UBR1: variants seen among roughly 807,000 people sequenced by gnomAD.
UBR1 encodes ubiquitin protein ligase E3 component n-recognin 1.
In UBR1, 102 loss-of-function variants were observed where a neutral mutation model predicts 242.1. The observed-to-expected ratio is 0.42, with a 90% CI of 0.36 to 0.50. The LOEUF (loss-of-function observed/expected upper bound fraction) is 0.50. UBR1 is among the 20% of genes least tolerant of loss of function. The pLI is 0.01. For synonymous variants in UBR1, 675 were observed against 684.8 expected (o/e 0.99, Z 0.22); for missense variants, 1,772 against 2,101.8 (o/e 0.84, Z 3.07).
intron 30 of UBR1, 31 bp from the exon 31 acceptor site, chr15:43,003,961 G>T (rs1297704661): frequency 6.3e-7 from 1 of 1,597,024 alleles, no homozygotes. Context: ...GAGGGAAAAA[G>T]AGAGACAGGT....
At chr15:42,960,020 G>A (rs1175648851) in intron 43 of UBR1, among the ~76,000 whole-genome samples, 2 of 152,112 alleles carry the variant, frequency 1.3e-5, no homozygotes, top group Admixed American at 6.5e-5. Context: ...TCAGGCCCTC[G>A]GAGGGGATAC....
chr15:42,950,397 G>T, intron 45 of UBR1, 34 bp from the exon 46 acceptor site: 1 of 1,584,584 alleles, frequency 6.3e-7, no homozygotes, highest in Non-Finnish European at 8.7e-7. Flanking sequence ...ATATGGTTAA[G>T]TGTATGTGTG....
intron 44 of UBR1, among the ~76,000 whole-genome samples, chr15:42,957,334 CAG>C (rs1186670908): frequency 1.3e-5 from 2 of 151,974 alleles, no homozygotes; most frequent in Admixed American, 6.6e-5. Context: ...TCCATAGAGA[CAG>C]AAAGTAGATT....
intron 40 of UBR1, among the ~76,000 whole-genome samples, chr15:42,970,147 T>A (rs962299447): frequency 1.3e-5 from 2 of 152,070 alleles, no homozygotes; most frequent in African/African-American, 4.8e-5. Context: ...AAAACAGATA[T>A]ATAGACCAAT....
At chr15:43,056,502 C>T (rs575790443) in intron 10 of UBR1, 60 bp from the exon 11 acceptor site, 1 of 1,140,624 alleles carries the variant, frequency 8.8e-7, no homozygotes, top group African/African-American at 1.5e-5. Context: ...TAAAAAATCC[C>T]AATTTTAATA....
chr15:42,950,137 C>A, intron 46 of UBR1, 125 bp downstream of exon 46: 1 of 917,520 alleles, frequency 1.1e-6, no homozygotes, highest in Non-Finnish European at 1.8e-6. Flanking sequence ...CGGTGTCTGG[C>A]CTCAATTACC....
Position 43,025,380 on chromosome 15 carries a change from C to A in UBR1, c.2584+1G>T. 1 of 1,608,252 alleles carries A rather than the reference C, an allele frequency of 6.2e-7. No individual in the cohort carries two copies. Among genetic ancestry groups the A allele is most frequent in the Non-Finnish European group, 8.5e-7 (1 of 1,176,722 alleles). On this transcript the variant is annotated splice_donor_variant, in intron 24 of 46. Coordinates refer to ENST00000290650, the MANE Select transcript of UBR1 (RefSeq NM_174916.3). LOFTEE classifies it high-confidence loss of function. Reference sequence around the variant, plus strand: ...AGTCAATTCAGAATCTCACTTTTTACCTTCATCTTTGTTTTCTTGTTTTCT... The same window carrying A: ...AGTCAATTCAGAATCTCACTTTTTAACTTCATCTTTGTTTTCTTGTTTTCT...
At chr15:43,023,705 T>G (rs544151974) in intron 25 of UBR1, among the ~76,000 whole-genome samples, 2 of 150,462 alleles carry the variant, frequency 1.3e-5, no homozygotes. Flanking sequence ...AAAATTTTGG[T>G]GTTTAGTAAA....
chr15:43,059,062 A>G, intron 9 of UBR1, 23 bp downstream of exon 9: 1 of 1,579,842 alleles, frequency 6.3e-7, no homozygotes, highest in Non-Finnish European at 8.7e-7. Flanking sequence ...CCTGACAAAC[A>G]GCATAAGCAA....
chr15:43,011,810 AG>A, intron 29 of UBR1: 1 of 374,084 alleles, frequency 2.7e-6, no homozygotes. Context: ...ACATACAAAA[AG>A]ATTCTCACGA....
chr15:42,984,027 G>A (rs369942779), intron 36 of UBR1, 34 bp from the exon 37 acceptor site: 2 of 1,556,546 alleles, frequency 1.3e-6, no homozygotes, highest in Non-Finnish European at 1.8e-6. Flanking sequence ...ATAAAAAGAT[G>A]AGGGAAGATG....
chr15:42,949,664 T>A, intron 46 of UBR1, among the ~76,000 whole-genome samples: 1 of 150,938 alleles, frequency 6.6e-6, no homozygotes, highest in Non-Finnish European at 1.5e-5. Context: ...CTGGGCATAG[T>A]GGCACATGCC....
intron 1 of UBR1, among the ~76,000 whole-genome samples, chr15:43,101,983 A>C (rs938646218): frequency 6.7e-6 from 1 of 149,934 alleles, no homozygotes; most frequent in East Asian, 2.0e-4. Context: ...AAAAAAAAAA[A>C]AAAAAAAAAA....
chr15:43,056,215 C>T, intron 11 of UBR1, 129 bp downstream of exon 11: 1 of 759,298 alleles, frequency 1.3e-6, no homozygotes, highest in Non-Finnish European at 2.3e-6. Flanking sequence ...TTGGGTAGCA[C>T]TAAAGTATTC....
At chr15:43,046,675 T>C (rs1017157576) in intron 14 of UBR1, among the ~76,000 whole-genome samples, 1 of 152,052 alleles carries the variant, frequency 6.6e-6, no homozygotes, top group Non-Finnish European at 1.5e-5. Context: ...TCTCAGAAAA[T>C]AAATAAATGA....
chr15:42,970,307 C>T lies in UBR1; in HGVS notation c.4457+213G>A, dbSNP rs2032182703. Reference sequence around the variant, plus strand: ...TCTAGCCATATGCAGAAAACTGAAACTACACCCCTTCCTTACACCTTACAT... The same window carrying T: ...TCTAGCCATATGCAGAAAACTGAAATTACACCCCTTCCTTACACCTTACAT... On this transcript the variant is annotated intron_variant, in intron 40 of 46. Transcript: ENST00000290650. Among the ~76,000 whole-genome samples the T allele has an allele frequency of 2.6e-5, 4 of 152,168 alleles. 1 individual carries two copies. In the South Asian group the frequency reaches 8.3e-4, roughly 32 times the overall value.
intron 33 of UBR1, among the ~76,000 whole-genome samples, chr15:42,995,443 A>G (rs1180329818): frequency 4.6e-5 from 7 of 151,742 alleles, no homozygotes; most frequent in Non-Finnish European, 1.0e-4. Context: ...GTGGATCACA[A>G]GGTCAGGAGA....
intron 1 of UBR1, among the ~76,000 whole-genome samples, chr15:43,098,710 T>TA (rs140400613): frequency 0.011 from 1,656 of 152,332 alleles, 13 homozygotes; most frequent in Non-Finnish European, 0.018. Context: ...CATTTTGACT[T>TA]AGAGTTTTAG....
intron 29 of UBR1, among the ~76,000 whole-genome samples, chr15:43,009,673 A>G (rs562987415): frequency 6.6e-6 from 1 of 152,196 alleles, no homozygotes. Flanking sequence ...ACTCAACCCA[A>G]TGATTCATCA....
Sources: gnomAD v4.1 joint callset for allele counts (sites outside exome capture counted in the v4.1 genomes callset) on GRCh38, gnomAD v4.1.1 for gene constraint, MANE v1.5 for transcripts, NCBI Gene and HGNC (gene_info 2026-07-23, HGNC 2026-07-21) for gene names.